Variants in OLFM3 observed in about 807,000 individuals in gnomAD.
The protein encoded by OLFM3 is olfactomedin 3.
In OLFM3, 20 loss-of-function variants were observed where a neutral mutation model predicts 48.6. The observed-to-expected ratio is 0.41, with a 90% CI of 0.29 to 0.60. The LOEUF is 0.60. Ranked by LOEUF, OLFM3 falls within the 20% of genes least tolerant of loss-of-function variation. The pLI, the probability that OLFM3 is intolerant of heterozygous loss-of-function variation, is 0.28. For missense variants in OLFM3, 437 were observed against 544.3 expected, an observed-to-expected ratio of 0.80 and a Z score of 1.96; for synonymous variants, 222 against 198.1, an observed-to-expected ratio of 1.12 and a Z score of -1.01.
At chr1:101,847,848 T>C (rs139559309) in intron 1 of OLFM3, among the ~76,000 whole-genome samples, 99 of 152,182 alleles carry the variant, frequency 6.5e-4, no homozygotes, top group Non-Finnish European at 1.0e-3. Flanking sequence ...TGATTTAGTA[T>C]AAAGGGCACA....
At chr1:101,993,440 T>C (rs1661471032) in intron 1 of OLFM3, among the ~76,000 whole-genome samples, 1 of 152,124 alleles carries the variant, frequency 6.6e-6, no homozygotes, top group Non-Finnish European at 1.5e-5. Flanking sequence ...TCTTTCCCTA[T>C]AAAATTGAGC....
chr1:101,920,749 T>G (rs1014212645), intron 1 of OLFM3, among the ~76,000 whole-genome samples: 1 of 152,220 alleles, frequency 6.6e-6, no homozygotes, highest in Non-Finnish European at 1.5e-5. Context: ...TCCTCAGAGT[T>G]GTCTCTGGTG....
At chr1:101,947,269 T>C (rs1450107198) in intron 1 of OLFM3, among the ~76,000 whole-genome samples, 1 of 152,176 alleles carries the variant, frequency 6.6e-6, no homozygotes, top group African/African-American at 2.4e-5. Context: ...TGATTTGAAT[T>C]TTACCAGGAG....
chr1:101,843,070 C>T (rs1321372585), intron 1 of OLFM3, among the ~76,000 whole-genome samples: 1 of 152,158 alleles, frequency 6.6e-6, no homozygotes, highest in Non-Finnish European at 1.5e-5. Flanking sequence ...TCATCCAGGA[C>T]TAAAACACAT....
intron 1 of OLFM3, among the ~76,000 whole-genome samples, chr1:101,940,549 A>ATCTC (rs1659760881): frequency 6.6e-6 from 1 of 151,536 alleles, no homozygotes; most frequent in Non-Finnish European, 1.5e-5. Context: ...CTATGTATCT[A>ATCTC]TCTATCTATC....
intron 4 of OLFM3, among the ~76,000 whole-genome samples, chr1:101,822,674 GT>G (rs1654666206): frequency 6.6e-6 from 1 of 152,078 alleles, no homozygotes; most frequent in Non-Finnish European, 1.5e-5. Context: ...AGGACACTGG[GT>G]AATTCTTCAT....
chr1:101,971,984 A>C (rs1660817958), intron 1 of OLFM3, among the ~76,000 whole-genome samples: 1 of 151,776 alleles, frequency 6.6e-6, no homozygotes, highest in East Asian at 1.9e-4. Context: ...ATATAAGTAT[A>C]AACTTGACTT....
intron 1 of OLFM3, among the ~76,000 whole-genome samples, chr1:101,950,386 T>C (rs1485148172): frequency 6.6e-6 from 1 of 152,064 alleles, no homozygotes. Context: ...TTGATGTAGG[T>C]GGATTTCTCA....
intron 1 of OLFM3, among the ~76,000 whole-genome samples, chr1:101,891,737 C>A (rs1658007209): frequency 6.6e-6 from 1 of 151,946 alleles, no homozygotes; most frequent in Admixed American, 6.6e-5. Context: ...GGCCAAATCT[C>A]CAATGTGTAT....
In OLFM3 at chr1:101,804,131, C is replaced by T; in HGVS notation, c.*107G>A. On this transcript the variant is annotated 3_prime_UTR_variant, in exon 6 of 6. Coordinates refer to ENST00000370103, the MANE Select transcript of OLFM3 (RefSeq NM_058170.4). This position sits in a 1 kb window ranked among gnomAD's most constrained non-coding sequence, Gnocchi z 4.5. ...CCAACTTTACAATAAAAATGCTTTGCTTTGGAGAAATGATGAAAAATAATA... is the reference window on the plus strand; with the variant it reads ...CCAACTTTACAATAAAAATGCTTTGTTTTGGAGAAATGATGAAAAATAATA... 1 of 883,852 alleles carries T rather than the reference C, an allele frequency of 1.1e-6. No individual in the cohort carries two copies. Among genetic ancestry groups the T allele is most frequent in the Non-Finnish European group, 1.6e-6 (1 of 608,426 alleles). 54.8% of individuals were successfully genotyped at this position (883,852 alleles called of 1,614,324 possible). A position where few individuals can be genotyped will look rare whatever the true frequency, so the allele number is the denominator to read the frequency against.
chr1:101,952,809 T>A (rs536382155), intron 1 of OLFM3, among the ~76,000 whole-genome samples: 79 of 151,638 alleles, frequency 5.2e-4, no homozygotes, highest in Middle Eastern at 3.4e-3. Context: ...CTATCTTTTT[T>A]AAAAAAAAAT....
chr1:101,875,822 G>C (rs1443026480), intron 1 of OLFM3, among the ~76,000 whole-genome samples: 3 of 152,098 alleles, frequency 2.0e-5, no homozygotes, highest in Non-Finnish European at 2.9e-5. Context: ...GGCCCTGACA[G>C]TTTTAAAACA....
At chr1:101,973,513 T>C (rs979797529) in intron 1 of OLFM3, among the ~76,000 whole-genome samples, 1 of 152,186 alleles carries the variant, frequency 6.6e-6, no homozygotes, top group African/African-American at 2.4e-5. Flanking sequence ...CTAGAAATAA[T>C]GTTTTGCCAG....
chr1:101,874,418 T>C (rs1034966446), intron 1 of OLFM3, among the ~76,000 whole-genome samples: 1 of 151,776 alleles, frequency 6.6e-6, no homozygotes, highest in Non-Finnish European at 1.5e-5. Flanking sequence ...ATTTTTTGCC[T>C]GAACTGCAGT....
chr1:101,878,065 T>C (rs1047021533), intron 1 of OLFM3, among the ~76,000 whole-genome samples: 2 of 151,782 alleles, frequency 1.3e-5, no homozygotes, highest in Non-Finnish European at 2.9e-5. Context: ...CACCCGCATG[T>C]CCTAGAGAAG....
intron 1 of OLFM3, among the ~76,000 whole-genome samples, chr1:101,977,267 A>T (rs1233520689): frequency 6.6e-6 from 1 of 152,180 alleles, no homozygotes; most frequent in Admixed American, 6.5e-5. Context: ...TGATTATTAA[A>T]ATGGTCATTT....
At chr1:101,941,758 T>C (rs947196153) in intron 1 of OLFM3, among the ~76,000 whole-genome samples, 2 of 152,190 alleles carry the variant, frequency 1.3e-5, no homozygotes, top group African/African-American at 4.8e-5. Context: ...TAGCCTCTGC[T>C]AAAACTGAAG....
Position 101,804,046 on chromosome 1 carries a change from G to C in OLFM3, c.*192C>G, listed in dbSNP as rs1653632423. Reference sequence around the variant, plus strand: ...GGACATGATAGGCCTTGTAAATTTAGAAGTTAAGATGTGTTTCCAACATGG... The same window carrying C: ...GGACATGATAGGCCTTGTAAATTTACAAGTTAAGATGTGTTTCCAACATGG... On this transcript the variant is annotated 3_prime_UTR_variant, in exon 6 of 6. Coordinates refer to ENST00000370103, the MANE Select transcript of OLFM3 (RefSeq NM_058170.4). The surrounding 1 kb of genome is among the most constrained non-coding windows in gnomAD (Gnocchi z 4.5). The C allele has an allele frequency of 2.2e-6, 1 of 446,784 alleles. No individual in the cohort carries two copies. The highest frequency in any genetic ancestry group is 3.9e-6 in the Non-Finnish European group (1 of 254,860). The allele number at this position is 446,784 out of a possible 1,614,324, so 27.7% of individuals were successfully genotyped here. A position where few individuals can be genotyped will look rare whatever the true frequency, so the allele number is the denominator to read the frequency against.
At chr1:101,891,423 T>C (rs774917482) in intron 1 of OLFM3, among the ~76,000 whole-genome samples, 14 of 151,940 alleles carry the variant, frequency 9.2e-5, no homozygotes, top group East Asian at 1.9e-4. Flanking sequence ...TATTACTATA[T>C]GAATATTAAA....
Sources: gnomAD v4.1 joint callset for allele counts (sites outside exome capture counted in the v4.1 genomes callset) on GRCh38, gnomAD v4.1.1 for gene constraint, Gnocchi (gnomAD v3.1) non-coding constraint, MANE v1.5 for transcripts, NCBI Gene and HGNC (gene_info 2026-07-23, HGNC 2026-07-21) for gene names.